LOXHD1: variants seen among roughly 807,000 people sequenced by gnomAD.
LOXHD1 encodes the protein lipoxygenase homology domain-containing protein 1.
LOXHD1 carries 205 observed loss-of-function variants against 248.2 expected under a neutral mutation model. The ratio of observed to expected loss-of-function variants is 0.83; its 90% CI spans 0.74 to 0.93. LOXHD1 has a LOEUF of 0.93. LOXHD1 is among the 40% of genes least tolerant of loss of function. The pLI is 0.00. For synonymous variants in LOXHD1, 1,113 were observed against 1,162.8 expected (o/e 0.96, Z 0.87); for missense variants, 2,930 against 2,971.6 (o/e 0.99, Z 0.33).
intron 4 of LOXHD1, among the ~76,000 whole-genome samples, chr18:46,620,780 C>G (rs572232038): frequency 6.6e-6 from 1 of 152,256 alleles, no homozygotes; most frequent in South Asian, 2.1e-4. Context: ...GACACTTGAC[C>G]AAGAAGGACA....
chr18:46,537,799 G>GT (rs1223712891), intron 26 of LOXHD1, among the ~76,000 whole-genome samples: 2 of 152,200 alleles, frequency 1.3e-5, no homozygotes, highest in Admixed American at 1.3e-4. Flanking sequence ...CTGGCTAGCA[G>GT]TATCAGCAGA....
In LOXHD1 at chr18:46,618,128, G is replaced by A. The variant is rs1022178093; in HGVS notation, c.610+64C>T. On this transcript the variant is annotated intron_variant, in intron 5 of 40. Transcript: ENST00000642948. ...AGCTGCCTTCCTCTGCCAGGATTGT[G>A]GGAACCCCATCTACAAAATAGTCCT... The A allele has an allele frequency of 1.8e-5, 22 of 1,231,374 alleles. No homozygotes were observed. The African/African-American group carries it at 3.0e-4, about 17-fold the overall frequency. The allele number at this position is 1,231,374 out of a possible 1,614,324, so 76.3% of individuals were successfully genotyped here. A position where few individuals can be genotyped will look rare whatever the true frequency, so the allele number is the denominator to read the frequency against.
chr18:46,559,667 C>G, intron 19 of LOXHD1, 65 bp from the exon 20 acceptor site: 1 of 1,498,214 alleles, frequency 6.7e-7, no homozygotes, highest in Non-Finnish European at 9.0e-7. Flanking sequence ...ACCTGAGGCA[C>G]AGCCTCTCAG....
intron 2 of LOXHD1, among the ~76,000 whole-genome samples, chr18:46,648,906 T>A (rs184165071): frequency 6.6e-6 from 1 of 152,210 alleles, no homozygotes; most frequent in African/African-American, 2.4e-5. Context: ...ACAGCTAATA[T>A]GGATTCTTGG....
At chr18:46,558,888 C>T (rs1306412434) in intron 20 of LOXHD1, among the ~76,000 whole-genome samples, 4 of 151,840 alleles carry the variant, frequency 2.6e-5, no homozygotes, top group African/African-American at 9.7e-5. Flanking sequence ...ACCCCACCCA[C>T]CCCACACCCT....
At chr18:46,490,686 GC>G (rs2033405221) in intron 37 of LOXHD1, among the ~76,000 whole-genome samples, 1 of 152,202 alleles carries the variant, frequency 6.6e-6, no homozygotes, top group African/African-American at 2.4e-5. Context: ...TGTTGGTCAG[GC>G]TGGTCTCGAA....
chr18:46,591,866 C>A, intron 12 of LOXHD1, 67 bp downstream of exon 12: 1 of 1,537,492 alleles, frequency 6.5e-7, no homozygotes, highest in Admixed American at 2.0e-5. Context: ...GCTCATAGGT[C>A]AGGCCCATCG....
At chr18:46,605,878 T>G (rs1013014446) in intron 6 of LOXHD1, among the ~76,000 whole-genome samples, 2 of 152,170 alleles carry the variant, frequency 1.3e-5, no homozygotes, top group African/African-American at 4.8e-5. Flanking sequence ...AAGACCCACC[T>G]CATTTGAGGT....
Position 46,601,221 on chromosome 18 carries a change from T to C in LOXHD1, c.1130A>G (p.Glu377Gly). 1.9e-6 allele frequency: 3 copies of C among 1,550,630 alleles called. No individual in the cohort carries two copies. Among genetic ancestry groups the C allele is most frequent in the Non-Finnish European group, 1.7e-6 (2 of 1,146,112 alleles). ...GTCTCTGGGGGCATCCCTTACCTTCTCACAGAACCAGCCTCTGTTGACACC... is the reference window on the plus strand; with the variant it reads ...GTCTCTGGGGGCATCCCTTACCTTCCCACAGAACCAGCCTCTGTTGACACC... ...NVGVNRGWFC[E>G]KVVILCPFTG... is the part of the protein sequence containing the mutation. Residue 377 changes from glutamate to glycine, a missense_variant, in exon 8 of 41, where the codon GAG (glutamate) becomes GGG (glycine). Physicochemically the swap from Glu to Gly is moderately conservative, Grantham distance 98. Coordinates refer to ENST00000642948, the MANE Select transcript of LOXHD1 (RefSeq NM_001384474.1).
intron 15 of LOXHD1, among the ~76,000 whole-genome samples, chr18:46,571,042 T>G (rs569744363): frequency 1.2e-4 from 19 of 152,276 alleles, no homozygotes; most frequent in Non-Finnish European, 2.5e-4. Context: ...GGAGGGGGAA[T>G]AGGGGTCCTT....
intron 40 of LOXHD1, among the ~76,000 whole-genome samples, 180 bp downstream of exon 40, chr18:46,483,407 G>A (rs1465839060): frequency 6.6e-6 from 1 of 152,150 alleles, no homozygotes; most frequent in East Asian, 1.9e-4. Context: ...GCACAATCCA[G>A]ATAGCTTCAG....
In LOXHD1 at chr18:46,560,119, C is replaced by T. The variant is rs756508090; in HGVS notation, c.3025G>A (p.Val1009Met). ...ARGKEDNELV[V>M]ELVPAGKPGP... ...GGCTTGCCAGCTGGCACCAACTCCA[C>T]GACAAGTTCGTTGTCCTCCTTGCCC... The change falls in exon 19 of 41, where the codon GTG becomes ATG. Residue 1009 changes from valine (V) to methionine (M), a missense_variant. Val to Met is a conservative substitution (Grantham distance 21). Transcript: ENST00000642948. 39 of 1,547,786 alleles carry T rather than the reference C, an allele frequency of 2.5e-5. No individual in the cohort carries two copies. Among genetic ancestry groups the T allele is most frequent in the African/African-American group, 1.5e-4 (11 of 72,658 alleles).
At chr18:46,610,991 G>C (rs935087930) in intron 5 of LOXHD1, 67 bp from the exon 6 acceptor site, 41 of 1,525,270 alleles carry the variant, frequency 2.7e-5, no homozygotes, top group Middle Eastern at 1.7e-4. Context: ...AAGCCTTCAT[G>C]GTCCGCCCAC....
chr18:46,521,028 C>T, intron 33 of LOXHD1, 69 bp downstream of exon 33: 1 of 1,501,648 alleles, frequency 6.7e-7, no homozygotes, highest in Non-Finnish European at 9.0e-7. Context: ...CTTCTGTCTC[C>T]CCTGCTGCTC....
intron 15 of LOXHD1, among the ~76,000 whole-genome samples, chr18:46,571,203 C>T (rs2037745613): frequency 1.3e-5 from 2 of 152,168 alleles, no homozygotes; most frequent in Non-Finnish European, 2.9e-5. Context: ...TGCCGTGGCT[C>T]ATGCCTCTAA....
At chr18:46,572,850 C>T (rs372633927) in intron 14 of LOXHD1, among the ~76,000 whole-genome samples, 16 of 151,738 alleles carry the variant, frequency 1.1e-4, no homozygotes, top group African/African-American at 3.4e-4. Flanking sequence ...AGTGAAACCC[C>T]GTCTCTACTG....
At chr18:46,546,308 TACTCC>T (rs1160074132) in intron 22 of LOXHD1, among the ~76,000 whole-genome samples, 5 of 151,330 alleles carry the variant, frequency 3.3e-5, no homozygotes, top group Non-Finnish European at 5.9e-5. Context: ...CATTCCATTC[TACTCC>T]ACTCCACTCC....
At chr18:46,530,460 G>A (rs2036013515) in intron 28 of LOXHD1, among the ~76,000 whole-genome samples, 1 of 152,130 alleles carries the variant, frequency 6.6e-6, no homozygotes, top group South Asian at 2.1e-4. Flanking sequence ...AATGATACTT[G>A]TGTGTTGGTG....
At chr18:46,646,085 G>A (rs2039025721) in intron 2 of LOXHD1, among the ~76,000 whole-genome samples, 1 of 152,194 alleles carries the variant, frequency 6.6e-6, no homozygotes, top group Admixed American at 6.5e-5. Flanking sequence ...AAATATGCAT[G>A]TGTGTGTGTA....
Sources: gnomAD v4.1 joint callset for allele counts (sites outside exome capture counted in the v4.1 genomes callset) on GRCh38, gnomAD v4.1.1 for gene constraint, MANE v1.5 for transcripts, NCBI Gene and HGNC (gene_info 2026-07-23, HGNC 2026-07-21) for gene names.